The following NRXN3 variants were observed in gnomAD, a reference collection of about 807,000 sequenced individuals.
NRXN3 encodes the protein neurexin 3, also known as neurexin III.
In NRXN3, 32 loss-of-function variants were observed where a neutral mutation model predicts 137.6. The ratio of observed to expected loss-of-function variants is 0.23; its 90% CI spans 0.18 to 0.31. NRXN3 has a LOEUF of 0.31. Among genes scored for constraint, NRXN3 ranks in the 10% least tolerant of loss-of-function variants. NRXN3 has a pLI of 1.00. For missense variants in NRXN3, 1,574 were observed against 2,062.5 expected (o/e 0.76, Z 4.59); for synonymous variants, 798 against 784.5 (o/e 1.02, Z -0.29).
chr14:79,227,226 T>G (rs1053511605), intron 15 of NRXN3, among the ~76,000 whole-genome samples: 1 of 152,156 alleles, frequency 6.6e-6, no homozygotes, highest in African/African-American at 2.4e-5. Context: ...CCTGGCGTTG[T>G]TCTAGACACT....
intron 4 of NRXN3, among the ~76,000 whole-genome samples, chr14:78,608,446 AGATT>A (rs1401560315): frequency 2.0e-5 from 3 of 152,198 alleles, no homozygotes; most frequent in Non-Finnish European, 4.4e-5. Flanking sequence ...TCACATAAAT[AGATT>A]AATTTATACA....
chr14:79,808,261 T>A (rs1040107146), intron 20 of NRXN3, among the ~76,000 whole-genome samples: 40 of 141,596 alleles, frequency 2.8e-4, no homozygotes, highest in South Asian at 1.4e-3. Flanking sequence ...AAAAAATATA[T>A]ATATATATAT....
chr14:79,276,745 T>C (rs141313176), intron 15 of NRXN3, among the ~76,000 whole-genome samples: 26 of 144,570 alleles, frequency 1.8e-4, no homozygotes, highest in African/African-American at 6.5e-4. Flanking sequence ...AGTAAGTGGG[T>C]AGGTGGTCAG....
At chr14:79,850,104 G>C (rs5011854) in intron 20 of NRXN3, among the ~76,000 whole-genome samples, 30,408 of 152,166 alleles carry the variant, frequency 0.2, 3,792 homozygotes, top group Non-Finnish European at 0.27. Context: ...TTTCATAGGA[G>C]AAACAGATGT....
intron 8 of NRXN3, among the ~76,000 whole-genome samples, chr14:78,780,586 C>T (rs184761110): frequency 2.6e-5 from 4 of 151,700 alleles, no homozygotes; most frequent in Admixed American, 2.6e-4. Flanking sequence ...GTATAATGAC[C>T]CCCTACATGT....
intron 19 of NRXN3, among the ~76,000 whole-genome samples, chr14:79,796,164 C>A (rs2140389929): frequency 6.6e-6 from 1 of 152,258 alleles, no homozygotes; most frequent in East Asian, 1.9e-4. Flanking sequence ...TGTATGTAAT[C>A]AACAGGCATC....
intron 10 of NRXN3, among the ~76,000 whole-genome samples, chr14:78,875,092 G>C (rs1400649155): frequency 2.6e-5 from 4 of 152,218 alleles, no homozygotes; most frequent in African/African-American, 9.6e-5. Context: ...AGAGCAGAAT[G>C]TAAGAGTTGA....
At chr14:78,263,226 T>C (rs779783835) in intron 2 of NRXN3, among the ~76,000 whole-genome samples, 2 of 152,200 alleles carry the variant, frequency 1.3e-5, no homozygotes, top group African/African-American at 2.4e-5. Context: ...ATATTAGAGG[T>C]AAATAAACTC....
intron 15 of NRXN3, among the ~76,000 whole-genome samples, chr14:79,204,371 C>G (rs941468657): frequency 1.3e-5 from 2 of 151,560 alleles, no homozygotes; most frequent in Non-Finnish European, 2.9e-5. Flanking sequence ...CATATGGTAA[C>G]AGTTACCAAG....
At chr14:78,506,313 A>G (rs1472002198) in intron 4 of NRXN3, among the ~76,000 whole-genome samples, 1 of 152,174 alleles carries the variant, frequency 6.6e-6, no homozygotes, top group East Asian at 1.9e-4. Context: ...AAAAAACTAA[A>G]TAATAGTCAT....
At chr14:79,294,647 A>G (rs1408019117) in intron 15 of NRXN3, among the ~76,000 whole-genome samples, 1 of 152,218 alleles carries the variant, frequency 6.6e-6, no homozygotes, top group Non-Finnish European at 1.5e-5. Flanking sequence ...ATCACCCTGT[A>G]TGACCTAGAA....
chr14:78,737,832 G>A (rs1490575236), intron 8 of NRXN3, among the ~76,000 whole-genome samples: 3 of 152,084 alleles, frequency 2.0e-5, no homozygotes, highest in Non-Finnish European at 4.4e-5. Flanking sequence ...GGGGAGGATG[G>A]CTTCGCTTTT....
intron 1 of NRXN3, 34 bp downstream of exon 1, chr14:78,170,708 C>T (rs1363609527): frequency 1.3e-5 from 2 of 152,242 alleles, no homozygotes; most frequent in African/African-American, 4.8e-5. Context: ...GCAGTCAGGG[C>T]ATGAAACAAC....
chr14:79,227,824 T>TCCTCCCTTCCTCCCTTCCTC (rs1555879245), intron 15 of NRXN3, among the ~76,000 whole-genome samples: 10 of 83,386 alleles, frequency 1.2e-4, no homozygotes, highest in Admixed American at 1.3e-4. Flanking sequence ...CTTCCTCCCT[T>TCCTCCCTTCCTCCCTTCCTC]CCTCCCTTCC....
At chr14:79,413,501 A>T (rs914458136) in intron 15 of NRXN3, among the ~76,000 whole-genome samples, 1 of 152,088 alleles carries the variant, frequency 6.6e-6, no homozygotes, top group African/African-American at 2.4e-5. Flanking sequence ...TAAGAGTTCC[A>T]CAGTGAGATG....
chr14:78,281,151 T>C (rs889908134), intron 3 of NRXN3, among the ~76,000 whole-genome samples: 1 of 152,196 alleles, frequency 6.6e-6, no homozygotes, highest in Non-Finnish European at 1.5e-5. Context: ...GACCCTTCAC[T>C]TGGGGCCCTG....
intron 4 of NRXN3, among the ~76,000 whole-genome samples, chr14:78,340,834 A>G (rs1279572090): frequency 1.3e-5 from 2 of 152,126 alleles, no homozygotes; most frequent in Non-Finnish European, 2.9e-5. Flanking sequence ...TCTTGATTTG[A>G]TGGGTGGTGT....
intron 4 of NRXN3, among the ~76,000 whole-genome samples, chr14:78,351,646 C>T (rs1489558435): frequency 1.3e-5 from 2 of 151,930 alleles, no homozygotes; most frequent in Non-Finnish European, 2.9e-5. Context: ...TCATTTTTCT[C>T]TTGGGTTGTT....
intron 4 of NRXN3, among the ~76,000 whole-genome samples, chr14:78,570,861 C>T (rs1300140051): frequency 6.6e-6 from 1 of 152,184 alleles, no homozygotes; most frequent in African/African-American, 2.4e-5. Flanking sequence ...GGAGACAGGG[C>T]CCTCATTCCA....
Sources: gnomAD v4.1 joint callset for allele counts (sites outside exome capture counted in the v4.1 genomes callset) on GRCh38, gnomAD v4.1.1 for gene constraint, MANE v1.5 for transcripts, NCBI Gene and HGNC (gene_info 2026-07-23, HGNC 2026-07-21) for gene names.